DGKH: variants seen among roughly 807,000 people sequenced by gnomAD.
DGKH encodes the protein DAG kinase eta.
Under a neutral mutation model 159.3 loss-of-function variants are expected in DGKH, and 90 were observed. That is an observed-to-expected ratio of 0.57 (90% confidence interval 0.48 to 0.67). The LOEUF is 0.67. Among genes scored for constraint, DGKH ranks in the 30% least tolerant of loss-of-function variants. DGKH has a pLI of 0.00. For missense variants in DGKH, 1,181 were observed against 1,506.1 expected, an observed-to-expected ratio of 0.78 and a Z score of 3.57; for synonymous variants, 536 against 553.8, an observed-to-expected ratio of 0.97 and a Z score of 0.45.
intron 1 of DGKH, among the ~76,000 whole-genome samples, chr13:42,091,557 A>G (rs529297367): frequency 6.6e-6 from 1 of 152,374 alleles, no homozygotes; most frequent in East Asian, 1.9e-4. Context: ...GGCACAAGCA[A>G]CAAAAGCATA....
At chr13:42,053,968 A>G (rs1306902389) in intron 1 of DGKH, among the ~76,000 whole-genome samples, 1 of 152,206 alleles carries the variant, frequency 6.6e-6, no homozygotes, top group African/African-American at 2.4e-5. Flanking sequence ...ACATTCTTCA[A>G]TTGATATCTT....
At chr13:42,129,380 G>C (rs568349542) in intron 2 of DGKH, among the ~76,000 whole-genome samples, 172 bp from the exon 3 acceptor site, 1 of 152,300 alleles carries the variant, frequency 6.6e-6, no homozygotes, top group Non-Finnish European at 1.5e-5. Context: ...TTATGGATTA[G>C]TTGTACTTTA....
At chr13:42,081,294 A>C (rs1314364713) in intron 1 of DGKH, among the ~76,000 whole-genome samples, 1 of 151,786 alleles carries the variant, frequency 6.6e-6, no homozygotes, top group Non-Finnish European at 1.5e-5. Flanking sequence ...CAGCGGCACG[A>C]TGTTGGCTCA....
chr13:42,097,790 A>C (rs941610419), intron 1 of DGKH, among the ~76,000 whole-genome samples: 1 of 152,136 alleles, frequency 6.6e-6, no homozygotes, highest in Admixed American at 6.6e-5. Flanking sequence ...AGTGAGGTGC[A>C]GGGGGTGTGT....
At chr13:42,133,226 G>T (rs764300932) in intron 3 of DGKH, among the ~76,000 whole-genome samples, 1 of 151,760 alleles carries the variant, frequency 6.6e-6, no homozygotes, top group Non-Finnish European at 1.5e-5. Context: ...CCTCCTTGAG[G>T]ATAGGGACTC....
chr13:42,139,200 G>A (rs922520203), intron 3 of DGKH, among the ~76,000 whole-genome samples: 13 of 152,190 alleles, frequency 8.5e-5, no homozygotes, highest in Non-Finnish European at 1.9e-4. Flanking sequence ...TGAAGATAAG[G>A]TGTGGAAGAA....
At chr13:42,173,200 A>T (rs769035014) in intron 11 of DGKH, among the ~76,000 whole-genome samples, 1 of 152,088 alleles carries the variant, frequency 6.6e-6, no homozygotes, top group Non-Finnish European at 1.5e-5. Flanking sequence ...GGAACTCCTG[A>T]GCCCCAGCAA....
At chr13:42,153,605 T>G (rs945616075) in intron 3 of DGKH, 1 of 152,218 alleles carries the variant, frequency 6.6e-6, no homozygotes, top group South Asian at 2.1e-4. Context: ...TGCCAGTCAT[T>G]AGAGCCAGGA....
rs1313536078 is a variant in DGKH at position 42,221,330 on chromosome 13, A to G, written c.3509A>G (p.Asp1170Gly). The change falls in exon 29 of 30, where the codon GAT (aspartate) becomes GGT (glycine). Residue 1170 changes from aspartate (D) to glycine (G), a missense_variant. Asp to Gly is a moderately conservative substitution (Grantham distance 94). Coordinates refer to ENST00000337343, the MANE Select transcript of DGKH (RefSeq NM_178009.5). ...LDLLNLGEYK[D>G]IFIRHDIRGA... ...CTGCTCAATTTGGGAGAGTACAAAGATATCTTCATCCGTCATGACATCAGA... is the reference window on the plus strand; with the variant it reads ...CTGCTCAATTTGGGAGAGTACAAAGGTATCTTCATCCGTCATGACATCAGA... The G allele has an allele frequency of 3.7e-6, 6 of 1,613,710 alleles. No homozygotes were observed. The highest frequency in any genetic ancestry group is 5.1e-6 in the Non-Finnish European group (6 of 1,179,768).
At chr13:42,141,544 A>G (rs1955559548) in intron 3 of DGKH, among the ~76,000 whole-genome samples, 1 of 152,100 alleles carries the variant, frequency 6.6e-6, no homozygotes, top group South Asian at 2.1e-4. Context: ...CTATATCTCC[A>G]CATCCTCTCC....
At chr13:42,151,488 T>C (rs527419685) in intron 3 of DGKH, among the ~76,000 whole-genome samples, 1 of 138,948 alleles carries the variant, frequency 7.2e-6, no homozygotes, top group Non-Finnish European at 1.6e-5. Context: ...GGTGTGTGTG[T>C]GTGTGTGTGT....
At chr13:42,182,345 C>T (rs2138076041) in intron 13 of DGKH, among the ~76,000 whole-genome samples, 1 of 152,326 alleles carries the variant, frequency 6.6e-6, no homozygotes, top group Non-Finnish European at 1.5e-5. Context: ...TATTTTGCTA[C>T]AGTATCTCTA....
intron 1 of DGKH, among the ~76,000 whole-genome samples, chr13:42,080,008 G>A (rs1381810205): frequency 2.0e-5 from 3 of 151,930 alleles, no homozygotes; most frequent in Non-Finnish European, 4.4e-5. Context: ...CTTTTTTATT[G>A]TGGAAAAACC....
chr13:42,056,868 C>T (rs1042873847), intron 1 of DGKH, among the ~76,000 whole-genome samples: 1 of 152,108 alleles, frequency 6.6e-6, no homozygotes, highest in African/African-American at 2.4e-5. Flanking sequence ...CCCTTATTTC[C>T]CCCTTCTTCC....
chr13:42,227,171 T>A (rs1280975770), intron 29 of DGKH, among the ~76,000 whole-genome samples: 2 of 152,040 alleles, frequency 1.3e-5, no homozygotes, highest in East Asian at 3.9e-4. Context: ...ACTACCTAGG[T>A]GATGAGTTGA....
intron 3 of DGKH, among the ~76,000 whole-genome samples, chr13:42,131,394 C>T (rs143784164): frequency 3.3e-5 from 5 of 152,126 alleles, no homozygotes; most frequent in African/African-American, 9.6e-5. Context: ...AGTAAGCTGA[C>T]GGGTGTAGGA....
chr13:42,219,373 T>A, intron 27 of DGKH, 24 bp downstream of exon 27: 1 of 1,611,896 alleles, frequency 6.2e-7, no homozygotes, highest in Non-Finnish European at 8.5e-7. Context: ...AGCCTGTTTC[T>A]CTAGAAATGT....
At chr13:42,244,183 T>C (rs552076233), downstream of DGKH, among the ~76,000 whole-genome samples, 2 of 152,150 alleles carry the variant, frequency 1.3e-5, no homozygotes, top group Admixed American at 1.3e-4. Context: ...TGGAGAGAGG[T>C]ACGGGAGGGA....
chr13:42,156,509 A>G (rs1463508186), intron 5 of DGKH, among the ~76,000 whole-genome samples: 1 of 152,108 alleles, frequency 6.6e-6, no homozygotes, highest in Admixed American at 6.6e-5. Flanking sequence ...CCAAAGAGGC[A>G]TGAGCAAATT....
Sources: allele counts gnomAD v4.1 joint callset (sites outside exome capture counted in the v4.1 genomes callset), GRCh38; gene constraint gnomAD v4.1.1; transcripts MANE v1.5; gene names NCBI Gene and HGNC (gene_info 2026-07-23, HGNC 2026-07-21).